Variants in RBFOX1 observed in about 807,000 individuals in gnomAD.
The protein encoded by RBFOX1 is RNA binding protein fox-1 homolog 1.
In RBFOX1, 8 loss-of-function variants were observed where a neutral mutation model predicts 57.7. The observed-to-expected ratio is 0.14, with a 90% CI of 0.08 to 0.25. The LOEUF (loss-of-function observed/expected upper bound fraction) is 0.25. Ranked by LOEUF, RBFOX1 falls within the 10% of genes least tolerant of loss-of-function variation. The pLI, the probability that RBFOX1 is intolerant of heterozygous loss-of-function variation, is 1.00. For missense variants in RBFOX1, 611 were observed against 548.5 expected (o/e 1.11, Z -1.14); for synonymous variants, 326 against 222.4 (o/e 1.47, Z -4.15).
chr16:5,566,836 C>G (rs2046090985), intron 2 of RBFOX1, among the ~76,000 whole-genome samples: 1 of 152,126 alleles, frequency 6.6e-6, no homozygotes, highest in Non-Finnish European at 1.5e-5. Context: ...CATCGACTCA[C>G]TCCCTTGTTG....
Position 6,925,077 on chromosome 16 carries a change from C to T in RBFOX1, c.-15-126980C>T, listed in dbSNP as rs564786632. 1.3e-3 allele frequency among the ~76,000 whole-genome samples: 174 copies of T among 136,102 alleles called. 1 individual carries two copies. The highest frequency in any genetic ancestry group is 4.6e-3 in the African/African-American group (168 of 36,394). The allele number at this position is 136,102 out of a possible 152,430, so 89.3% of individuals were successfully genotyped here. A position where few individuals can be genotyped will look rare whatever the true frequency, so the allele number is the denominator to read the frequency against. ...GTATATGTGCCACATTTTCTTAATCCAGTCTATCGTTGTTGGACATCTAGG... is the reference window on the plus strand; with the variant it reads ...GTATATGTGCCACATTTTCTTAATCTAGTCTATCGTTGTTGGACATCTAGG... On this transcript the variant is annotated intron_variant, in intron 3 of 15. Transcript: ENST00000550418.
intron 4 of RBFOX1, among the ~76,000 whole-genome samples, chr16:7,069,215 C>G (rs1046330360): frequency 5.3e-5 from 8 of 152,164 alleles, no homozygotes; most frequent in African/African-American, 1.7e-4. Context: ...TTTTTAAGTT[C>G]CAGGATACAT....
At chr16:7,055,028 A>T (rs2051643628) in intron 4 of RBFOX1, among the ~76,000 whole-genome samples, 1 of 152,156 alleles carries the variant, frequency 6.6e-6, no homozygotes, top group East Asian at 1.9e-4. Flanking sequence ...AGCCTAAATT[A>T]ATTTTTCCAA....
intron 3 of RBFOX1, among the ~76,000 whole-genome samples, chr16:7,050,448 T>G (rs1039766079): frequency 6.6e-6 from 1 of 152,024 alleles, no homozygotes; most frequent in Non-Finnish European, 1.5e-5. Context: ...GTATTTTTAG[T>G]AGAGAAGAGG....
intron 1 of RBFOX1, among the ~76,000 whole-genome samples, chr16:5,414,423 T>C (rs1312322064): frequency 2.0e-5 from 3 of 152,204 alleles, no homozygotes; most frequent in East Asian, 1.9e-4. Context: ...TAGTTGTCAC[T>C]TTATGAGAGA....
intron 2 of RBFOX1, among the ~76,000 whole-genome samples, chr16:6,340,883 G>C (rs983182402): frequency 1.3e-5 from 2 of 152,124 alleles, no homozygotes; most frequent in Admixed American, 6.5e-5. Flanking sequence ...GCCAGGGAAA[G>C]AGAGACATTC....
intron 4 of RBFOX1, among the ~76,000 whole-genome samples, chr16:5,884,145 C>T (rs1377723384): frequency 1.3e-5 from 2 of 152,162 alleles, no homozygotes; most frequent in African/African-American, 4.8e-5. Flanking sequence ...GCATGGGTCA[C>T]AGTGCCTGGC....
rs150620404 is a variant in RBFOX1, at chr16:6,827,716, T to A, written c.-16+173066T>A. On this transcript the variant is annotated intron_variant, in intron 3 of 15. Transcript: ENST00000550418. ...CAGCTTCTCTCCGTCCCATGGTTGT[T>A]TGCCCATGCTGATCCCCTACATGGA... Among the ~76,000 whole-genome samples, 685 of 152,282 alleles carry A rather than the reference T, an allele frequency of 4.5e-3. 5 individuals are homozygous for A. The highest frequency in any genetic ancestry group is 6.1e-3 in the Non-Finnish European group (415 of 68,030).
At chr16:5,462,902 T>C (rs1275946741) in intron 1 of RBFOX1, among the ~76,000 whole-genome samples, 2 of 152,210 alleles carry the variant, frequency 1.3e-5, no homozygotes, top group African/African-American at 2.4e-5. Context: ...TAATCTGGCC[T>C]GAATTTTCAA....
intron 2 of RBFOX1, among the ~76,000 whole-genome samples, chr16:6,351,619 C>T (rs2086418006): frequency 6.6e-6 from 1 of 151,824 alleles, no homozygotes; most frequent in South Asian, 2.1e-4. Context: ...GGTGATCCGC[C>T]CGTCTTGGCC....
chr16:6,558,643 C>A (rs2097137641), intron 2 of RBFOX1, among the ~76,000 whole-genome samples: 2 of 152,088 alleles, frequency 1.3e-5, no homozygotes, highest in Admixed American at 6.6e-5. Flanking sequence ...AAAATTGTCC[C>A]TTATAACCAA....
chr16:5,306,606 C>T (rs1455270982), intron 1 of RBFOX1, among the ~76,000 whole-genome samples: 2 of 152,134 alleles, frequency 1.3e-5, no homozygotes, highest in Non-Finnish European at 1.5e-5. Flanking sequence ...CATGCCTGGC[C>T]GGGGTCTTGT....
intron 3 of RBFOX1, among the ~76,000 whole-genome samples, chr16:5,755,530 G>T (rs900898769): frequency 2.7e-4 from 41 of 152,158 alleles, no homozygotes; most frequent in African/African-American, 9.7e-4. Flanking sequence ...GGCCTTGGTT[G>T]GTCACAAAAG....
intron 2 of RBFOX1, among the ~76,000 whole-genome samples, chr16:6,485,331 T>C (rs1234400158): frequency 1.3e-5 from 2 of 151,484 alleles, no homozygotes; most frequent in Admixed American, 1.3e-4. Flanking sequence ...TAGAAGGAGC[T>C]CCTCCCTCCC....
chr16:5,762,010 G>T (rs2053612499), intron 3 of RBFOX1, among the ~76,000 whole-genome samples: 1 of 152,078 alleles, frequency 6.6e-6, no homozygotes, highest in Non-Finnish European at 1.5e-5. Context: ...GCCTCCTTGG[G>T]CAGGTGAACT....
At chr16:5,894,838 G>A (rs1248713040) in intron 4 of RBFOX1, among the ~76,000 whole-genome samples, 1 of 151,964 alleles carries the variant, frequency 6.6e-6, no homozygotes, top group East Asian at 2.0e-4. Flanking sequence ...TGGCTAACAC[G>A]GTGAAACCCC....
chr16:6,253,378 A>C (rs1598842699), intron 1 of RBFOX1, among the ~76,000 whole-genome samples: 1 of 152,190 alleles, frequency 6.6e-6, no homozygotes, highest in African/African-American at 2.4e-5. Flanking sequence ...ACTTGCATGC[A>C]TGAACTCCTG....
intron 4 of RBFOX1, among the ~76,000 whole-genome samples, chr16:5,965,819 G>A (rs1353639483): frequency 6.6e-6 from 1 of 152,034 alleles, no homozygotes; most frequent in Non-Finnish European, 1.5e-5. Flanking sequence ...GCCCTTCTTT[G>A]GAGAGTTCAG....
At chr16:7,365,708 C>T (rs1038449817) in intron 4 of RBFOX1, among the ~76,000 whole-genome samples, 1 of 152,174 alleles carries the variant, frequency 6.6e-6, no homozygotes, top group African/African-American at 2.4e-5. Context: ...AGAATTATAG[C>T]ACCCAAAATA....
Sources: gnomAD v4.1 joint callset for allele counts (sites outside exome capture counted in the v4.1 genomes callset) on GRCh38, gnomAD v4.1.1 for gene constraint, MANE v1.5 for transcripts, NCBI Gene and HGNC (gene_info 2026-07-23, HGNC 2026-07-21) for gene names.